CRB1: variants seen among roughly 807,000 people sequenced by gnomAD.
The protein encoded by CRB1 is protein crumbs homolog 1.
CRB1 carries 83 observed loss-of-function variants against 120.0 expected under a neutral mutation model. That is an observed-to-expected ratio of 0.69 (90% CI 0.58 to 0.83). The LOEUF is 0.83. Among genes scored for constraint, CRB1 ranks in the 40% least tolerant of loss-of-function variants. CRB1 has a pLI of 0.00. For synonymous variants in CRB1, 625 were observed against 612.5 expected (o/e 1.02, Z -0.30); for missense variants, 1,699 against 1,687.6 (o/e 1.01, Z -0.12).
chr1:197,204,864 A>G, the CRB1 span, among the ~76,000 whole-genome samples: 1 of 152,194 alleles, frequency 6.6e-6, no homozygotes, highest in African/African-American at 2.4e-5. Context: ...AATGTCTATA[A>G]GAGTTTTTCC....
chr1:197,326,744 T>G (rs896616873), intron 1 of CRB1, among the ~76,000 whole-genome samples: 19 of 152,058 alleles, frequency 1.2e-4, no homozygotes, highest in Non-Finnish European at 2.4e-4. Context: ...AATTTCATAA[T>G]TATTTTTGTC....
At chr1:197,277,274 TG>T (rs1308536633) in intron 1 of CRB1, among the ~76,000 whole-genome samples, 1 of 152,004 alleles carries the variant, frequency 6.6e-6, no homozygotes, top group African/African-American at 2.4e-5. Context: ...GTAGTCTTTT[TG>T]GTTCTCCACG....
the CRB1 span, among the ~76,000 whole-genome samples, chr1:197,235,182 A>G: frequency 6.6e-6 from 1 of 152,154 alleles, no homozygotes; most frequent in African/African-American, 2.4e-5. Context: ...GAGACTCGGT[A>G]GGGGAACTTA....
chr1:197,410,771 A>C (rs1217855299), intron 5 of CRB1, among the ~76,000 whole-genome samples: 2 of 152,242 alleles, frequency 1.3e-5, no homozygotes, highest in Admixed American at 6.5e-5. Flanking sequence ...GAGAATCACT[A>C]GAGGCCATTG....
At chr1:197,235,829 G>A in the CRB1 span, among the ~76,000 whole-genome samples, 1 of 151,996 alleles carries the variant, frequency 6.6e-6, no homozygotes, top group Non-Finnish European at 1.5e-5. Context: ...AAACCTATAT[G>A]ATCCAAGGAT....
At chr1:197,354,286 G>A (rs1356996781) in intron 4 of CRB1, among the ~76,000 whole-genome samples, 1 of 152,116 alleles carries the variant, frequency 6.6e-6, no homozygotes, top group African/African-American at 2.4e-5. Flanking sequence ...TCCATCTCTA[G>A]GCATAAACTG....
At chr1:197,472,407 G>A (rs1425083511) in intron 11 of CRB1, among the ~76,000 whole-genome samples, 1 of 152,132 alleles carries the variant, frequency 6.6e-6, no homozygotes, top group Non-Finnish European at 1.5e-5. Flanking sequence ...AGGACCTCTG[G>A]GGGCTGATGG....
intron 1 of CRB1, among the ~76,000 whole-genome samples, chr1:197,282,714 C>T (rs138647560): frequency 4.6e-5 from 7 of 151,938 alleles, no homozygotes; most frequent in African/African-American, 1.4e-4. Flanking sequence ...AATATTATTT[C>T]TCCATTTTAT....
the CRB1 span, among the ~76,000 whole-genome samples, chr1:197,221,192 G>A: frequency 6.6e-6 from 1 of 152,156 alleles, no homozygotes; most frequent in African/African-American, 2.4e-5. Flanking sequence ...AAGCCAATGA[G>A]GAATAAAGCC....
chr1:197,414,208 A>T (rs1226238459), intron 5 of CRB1, among the ~76,000 whole-genome samples: 1 of 152,166 alleles, frequency 6.6e-6, no homozygotes, highest in African/African-American at 2.4e-5. Flanking sequence ...TAAAATTTTT[A>T]AAATCCTAAG....
At chr1:197,304,281 A>G (rs1657043102) in intron 1 of CRB1, 1 of 334,670 alleles carries the variant, frequency 3.0e-6, no homozygotes, top group African/African-American at 2.2e-5. Context: ...CATAAGTTAA[A>G]TGCAATTAGA....
Position 197,328,756 on chromosome 1 carries a change from C to G in CRB1, c.405C>G (p.Ile135Met), listed in dbSNP as rs1173196458. 1.9e-6 allele frequency: 3 copies of G among 1,611,596 alleles called. No homozygotes were observed. The African/African-American group carries it at 4.0e-5, about 22-fold the overall frequency. ...CHQDPIYPVCICPAGYAGRFC... is the reference protein window; with the variant it reads ...CHQDPIYPVCMCPAGYAGRFC... ...AGGACCCTATTTATCCTGTCTGCAT[C>G]TGCCCTGCTGGATATGCTGGAAGAT... The change falls in exon 2 of 12, where the codon ATC (isoleucine) becomes ATG (methionine). Residue 135 changes from isoleucine (I) to methionine (M), a missense_variant. Coordinates refer to ENST00000367400, the MANE Select transcript of CRB1 (RefSeq NM_201253.3).
Position 197,427,574 on chromosome 1 carries a change from G to T in CRB1, c.2249G>T (p.Gly750Val), listed in dbSNP as rs2125483925. 1 of 1,613,944 alleles carries T rather than the reference G, an allele frequency of 6.2e-7. No individual in the cohort carries two copies. The highest frequency in any genetic ancestry group is 8.5e-7 in the Non-Finnish European group (1 of 1,179,974). The change falls in exon 7 of 12, where the codon GGC becomes GTC. Residue 750 changes from glycine (G) to valine (V), a missense_variant. Physicochemically the swap from Gly to Val is moderately radical, Grantham distance 109. Transcript: ENST00000367400. ...TTTGTCCGAACGCTTCAACCATCAG[G>T]CTTACTTCTAGCTTTGGAAAACAGC... ...SMFVRTLQPS[G>V]LLLALENSTY...
upstream of CRB1, among the ~76,000 whole-genome samples, chr1:197,263,790 A>C (rs1009721353): frequency 6.6e-6 from 1 of 152,022 alleles, no homozygotes; most frequent in Admixed American, 6.5e-5. Flanking sequence ...TCTAAAAAAA[A>C]CTTCAGATCT....
chr1:197,442,094 CTT>C (rs1665472498), intron 10 of CRB1, 70 bp from the exon 11 acceptor site: 3 of 1,604,028 alleles, frequency 1.9e-6, no homozygotes, highest in Non-Finnish European at 2.6e-6. Context: ...ATAAGGCAAA[CTT>C]TTTCTTCCCA....
intron 1 of CRB1, among the ~76,000 whole-genome samples, chr1:197,316,034 A>G (rs1657817414): frequency 1.3e-5 from 2 of 152,164 alleles, no homozygotes. Flanking sequence ...CATCATTGCT[A>G]CAGGTTTTGG....
intron 11 of CRB1, among the ~76,000 whole-genome samples, chr1:197,449,674 T>C (rs529032044): frequency 5.3e-5 from 8 of 152,166 alleles, no homozygotes; most frequent in Non-Finnish European, 2.9e-5. Context: ...CCCAGAAAAA[T>C]ATTATTTTAT....
At chr1:197,463,670 A>G (rs966586125) in intron 11 of CRB1, among the ~76,000 whole-genome samples, 1 of 152,220 alleles carries the variant, frequency 6.6e-6, no homozygotes, top group Non-Finnish European at 1.5e-5. Flanking sequence ...TTTTAAATAC[A>G]TGCAATAATC....
intron 5 of CRB1, among the ~76,000 whole-genome samples, chr1:197,374,544 A>G (rs536762901): frequency 6.6e-6 from 1 of 152,198 alleles, no homozygotes; most frequent in Admixed American, 6.5e-5. Flanking sequence ...ATCTCATATA[A>G]CAATGTTATT....
Sources: gnomAD v4.1 joint callset for allele counts (sites outside exome capture counted in the v4.1 genomes callset) on GRCh38, gnomAD v4.1.1 for gene constraint, MANE v1.5 for transcripts, NCBI Gene and HGNC (gene_info 2026-07-23, HGNC 2026-07-21) for gene names.